The following IGF2BP3 variants were observed in gnomAD, a reference collection of about 807,000 sequenced individuals.
IGF2BP3 encodes the protein insulin-like growth factor 2 mRNA-binding protein 3.
In IGF2BP3, 9 loss-of-function variants were observed where a neutral mutation model predicts 73.8. The observed-to-expected ratio is 0.12, with a 90% CI of 0.07 to 0.21. IGF2BP3 has a LOEUF of 0.21. Ranked by LOEUF, IGF2BP3 falls within the 10% of genes least tolerant of loss-of-function variation. The pLI is 1.00. For missense variants in IGF2BP3, 542 were observed against 714.0 expected, an observed-to-expected ratio of 0.76 and a Z score of 2.75; for synonymous variants, 258 against 256.7, an observed-to-expected ratio of 1.01 and a Z score of -0.05.
chr7:23,465,222 C>T (rs1788537830), intron 2 of IGF2BP3, among the ~76,000 whole-genome samples: 1 of 152,228 alleles, frequency 6.6e-6, no homozygotes, highest in South Asian at 2.1e-4. Context: ...CACACCTACC[C>T]TTACTTCCAA....
At chr7:23,363,484 G>T (rs1785284932) in intron 3 of IGF2BP3, among the ~76,000 whole-genome samples, 1 of 152,114 alleles carries the variant, frequency 6.6e-6, no homozygotes, top group Non-Finnish European at 1.5e-5. Context: ...CAGATTCAAG[G>T]GATCATCCCA....
At chr7:23,343,629 G>T in intron 9 of IGF2BP3, 89 bp downstream of exon 9, 2 of 1,272,248 alleles carry the variant, frequency 1.6e-6, no homozygotes, top group Non-Finnish European at 1.1e-6. Context: ...TAGTGATAAT[G>T]CCACAAAAGA....
intron 10 of IGF2BP3, among the ~76,000 whole-genome samples, chr7:23,341,623 T>C (rs747284968): frequency 6.6e-5 from 10 of 152,286 alleles, no homozygotes; most frequent in Middle Eastern, 3.4e-3. Context: ...TGAGTCAAGA[T>C]TGTGCCACTG....
At chr7:23,439,554 CAAAAAAAAAAAA>C (rs11332929) in intron 2 of IGF2BP3, among the ~76,000 whole-genome samples, 4 of 56,724 alleles carry the variant, frequency 7.1e-5, no homozygotes, top group Admixed American at 4.2e-4. Flanking sequence ...GACTCCGTCT[CAAAAAAAAAAAA>C]AAAAAAAAAA....
intron 10 of IGF2BP3, among the ~76,000 whole-genome samples, chr7:23,338,758 G>A (rs533836350): frequency 6.5e-4 from 98 of 151,698 alleles, no homozygotes; most frequent in African/African-American, 2.3e-3. Context: ...ATTTAAGTAT[G>A]GGAAAAACAT....
intron 5 of IGF2BP3, among the ~76,000 whole-genome samples, chr7:23,358,427 G>C (rs1785148770): frequency 6.6e-6 from 1 of 152,160 alleles, no homozygotes; most frequent in Admixed American, 6.5e-5. Context: ...TAGGCAGCAG[G>C]CTGTCATGTT....
At chr7:23,427,269 A>G (rs1273296737) in intron 2 of IGF2BP3, among the ~76,000 whole-genome samples, 1 of 152,144 alleles carries the variant, frequency 6.6e-6, no homozygotes, top group Non-Finnish European at 1.5e-5. Context: ...TTTCAGATAG[A>G]TAAACCTGGG....
intron 3 of IGF2BP3, among the ~76,000 whole-genome samples, chr7:23,400,432 C>T (rs750642257): frequency 1.8e-4 from 27 of 152,264 alleles, no homozygotes; most frequent in Non-Finnish European, 3.1e-4. Context: ...GAGGACAATG[C>T]TATCAGAGGT....
chr7:23,423,021 C>T lies in IGF2BP3; in HGVS notation c.237-4197G>A, dbSNP rs142374744. Among the ~76,000 whole-genome samples the T allele has an allele frequency of 6.8e-3, 1,042 of 152,302 alleles. 17 individuals are homozygous for T. Among genetic ancestry groups the T allele is most frequent in the African/African-American group, 0.023 (972 of 41,560 alleles). ...AATACCCGATCTCAAGTGATCTGCC[C>T]GCCTCAGCCTCCCGAAGTGCTGGGA... On this transcript the variant is annotated intron_variant, in intron 2 of 14. Transcript: ENST00000258729.
At chr7:23,329,316 G>C (rs1057014726) in intron 10 of IGF2BP3, among the ~76,000 whole-genome samples, 1 of 152,006 alleles carries the variant, frequency 6.6e-6, no homozygotes, top group Non-Finnish European at 1.5e-5. Flanking sequence ...CGTCCCTACT[G>C]CATTTTGACA....
intron 2 of IGF2BP3, among the ~76,000 whole-genome samples, chr7:23,457,570 C>A (rs767512438): frequency 3.3e-5 from 5 of 152,192 alleles, no homozygotes; most frequent in African/African-American, 9.7e-5. Context: ...TTATTGCACA[C>A]CTATGCTGAA....
At chr7:23,329,071 G>A (rs778456483) in intron 10 of IGF2BP3, among the ~76,000 whole-genome samples, 12 of 152,028 alleles carry the variant, frequency 7.9e-5, no homozygotes, top group Non-Finnish European at 1.6e-4. Flanking sequence ...AAATTAGCTG[G>A]GTGTGGTGGC....
At chr7:23,361,497 G>A (rs760820279) in intron 5 of IGF2BP3, 37 bp downstream of exon 5, 3 of 1,537,544 alleles carry the variant, frequency 2.0e-6, no homozygotes, top group East Asian at 2.2e-5. Flanking sequence ...ACTTAACTTA[G>A]TTATTATATA....
chr7:23,330,042 T>C (rs1194369825), intron 10 of IGF2BP3, among the ~76,000 whole-genome samples: 3 of 152,004 alleles, frequency 2.0e-5, no homozygotes, highest in Non-Finnish European at 4.4e-5. Flanking sequence ...TCCCAGCACT[T>C]TGGGAAGGCC....
At chr7:23,375,816 G>C (rs1785699114) in intron 3 of IGF2BP3, among the ~76,000 whole-genome samples, 1 of 152,182 alleles carries the variant, frequency 6.6e-6, no homozygotes, top group African/African-American at 2.4e-5. Context: ...GAGGAGAAGA[G>C]GTAGATTCCA....
chr7:23,330,019 C>T (rs1784402930), intron 10 of IGF2BP3, among the ~76,000 whole-genome samples: 1 of 152,154 alleles, frequency 6.6e-6, no homozygotes, highest in African/African-American at 2.4e-5. Flanking sequence ...GGCACGGTGG[C>T]TCACGCCTGT....
intron 3 of IGF2BP3, among the ~76,000 whole-genome samples, chr7:23,367,787 G>A (rs1785422582): frequency 6.6e-6 from 1 of 152,122 alleles, no homozygotes; most frequent in Non-Finnish European, 1.5e-5. Context: ...GATCACTTGA[G>A]GTCAGGAGTT....
At chr7:23,398,850 T>G (rs916651321) in intron 3 of IGF2BP3, among the ~76,000 whole-genome samples, 12 of 152,200 alleles carry the variant, frequency 7.9e-5, no homozygotes, top group Admixed American at 6.5e-4. Flanking sequence ...TTTCTCCCAT[T>G]TTGTAGGTTG....
At chr7:23,400,643 A>C (rs1416435664) in intron 3 of IGF2BP3, among the ~76,000 whole-genome samples, 1 of 152,240 alleles carries the variant, frequency 6.6e-6, no homozygotes, top group Admixed American at 6.5e-5. Flanking sequence ...TTTCCATTTC[A>C]CACGAGAACA....
Sources: allele counts gnomAD v4.1 joint callset (sites outside exome capture counted in the v4.1 genomes callset), GRCh38; gene constraint gnomAD v4.1.1; transcripts MANE v1.5; gene names NCBI Gene and HGNC (gene_info 2026-07-23, HGNC 2026-07-21).